WAPL: variants seen among roughly 807,000 people sequenced by gnomAD.
WAPL encodes WAPL cohesin release factor.
WAPL carries 5 observed loss-of-function variants against 121.0 expected under a neutral mutation model. The ratio of observed to expected loss-of-function variants is 0.04; its 90% confidence interval spans 0.02 to 0.09. WAPL has a LOEUF of 0.09. WAPL is among the 10% of genes least tolerant of loss of function. The probability of loss-of-function intolerance (pLI) is 1.00; values close to 1 mark genes in which losing one functional copy is unlikely to be tolerated. For missense variants in WAPL, 999 were observed against 1,410.8 expected, an observed-to-expected ratio of 0.71 and a Z score of 4.68; for synonymous variants, 480 against 481.5, an observed-to-expected ratio of 1.00 and a Z score of 0.04.
At chr10:86,453,602 T>A (rs1841054762) in intron 13 of WAPL, 54 bp downstream of exon 13, 2 of 1,526,244 alleles carry the variant, frequency 1.3e-6, no homozygotes, top group Non-Finnish European at 1.8e-6. Context: ...AAATAACTTG[T>A]TTTCACATGC....
intron 17 of WAPL, among the ~76,000 whole-genome samples, chr10:86,438,427 T>C (rs1849380763): frequency 1.3e-5 from 2 of 152,226 alleles, no homozygotes; most frequent in South Asian, 4.1e-4. Context: ...CTAATTTTTG[T>C]ATTTTTAGCA....
intron 2 of WAPL, among the ~76,000 whole-genome samples, chr10:86,503,026 C>T (rs187562213): frequency 9.2e-4 from 140 of 152,166 alleles, no homozygotes; most frequent in African/African-American, 3.0e-3. Context: ...GGCGTGGTGG[C>T]GGGCGCCTGT....
rs747665080 is a variant in WAPL at position 86,453,271 on chromosome 10, A to G, written c.2898T>C (p.Leu966=). 9.3e-6 allele frequency: 15 copies of G among 1,614,042 alleles called. No homozygotes were observed. The highest frequency in any genetic ancestry group is 1.3e-5 in the Non-Finnish European group (15 of 1,180,028). Residue 966 remains leucine, a synonymous_variant, in exon 14 of 19, where the codon CTT becomes CTC. Coordinates refer to ENST00000298767, the MANE Select transcript of WAPL (RefSeq NM_015045.5). ...GLIGTALNCV[L]QVPKYLPQEQ... is the part of the protein sequence containing the mutation. The stretch of plus-strand genomic sequence containing the variant: ...CCTGAGGTAGGTACTTTGGAACCTG[A>G]AGCACACAGTTCAGCGCTGTGCCTA...
intron 9 of WAPL, 135 bp from the exon 10 acceptor site, chr10:86,461,422 A>G (rs1382806675): frequency 7.7e-6 from 5 of 650,984 alleles, no homozygotes; most frequent in Non-Finnish European, 1.3e-5. Flanking sequence ...ACTAATTTTC[A>G]ATTTTATCAG....
chr10:86,435,623 C>T lies in WAPL; in HGVS notation c.*1920G>A, dbSNP rs982172242. ...CCTCCCCCCACCAAAATCTGCATCT[C>T]TATCAGTGCTCGACAATTAGTTATT... On this transcript the variant is annotated 3_prime_UTR_variant, in exon 19 of 19. Coordinates refer to ENST00000298767, the MANE Select transcript of WAPL (RefSeq NM_015045.5). 1.1e-3 allele frequency: 162 copies of T among 152,616 alleles called. 1 individual carries two copies. Among genetic ancestry groups the T allele is most frequent in the African/African-American group, 3.8e-3 (157 of 41,530 alleles). 9.5% of individuals were successfully genotyped at this position (152,616 alleles called of 1,614,324 possible).
At chr10:86,440,774 G>A (rs1339698119) in intron 17 of WAPL, among the ~76,000 whole-genome samples, 1 of 151,984 alleles carries the variant, frequency 6.6e-6, no homozygotes, top group Non-Finnish European at 1.5e-5. Context: ...GGTACCCAGA[G>A]GGGCCACACA....
intron 8 of WAPL, among the ~76,000 whole-genome samples, chr10:86,470,342 G>A (rs1841509004): frequency 6.6e-6 from 1 of 151,996 alleles, no homozygotes; most frequent in Non-Finnish European, 1.5e-5. Flanking sequence ...CCCAGAAGAT[G>A]CAGTATTAAA....
At chr10:86,517,013 G>A (rs1273076952) in intron 2 of WAPL, among the ~76,000 whole-genome samples, 3 of 152,014 alleles carry the variant, frequency 2.0e-5, no homozygotes, top group South Asian at 2.1e-4. Context: ...AACCTGGGAG[G>A]CGGAGCCAGC....
In WAPL at chr10:86,484,695, A is replaced by G. The variant is rs78298500; in HGVS notation, c.1645-10722T>C. ...AGCTCCATTCATGGTTAAGTGTCCT[A>G]TATAGGTGTACCATTTTTATATGTA... is the stretch of plus-strand genomic sequence containing the variant. On this transcript the variant is annotated intron_variant, in intron 4 of 18. Transcript: ENST00000298767. 1.8e-3 allele frequency among the ~76,000 whole-genome samples: 268 copies of G among 152,322 alleles called. 1 individual carries two copies. Among genetic ancestry groups the G allele is most frequent in the East Asian group, 0.014 (70 of 5,184 alleles).
At chr10:86,470,559 A>C (rs1300591007) in intron 8 of WAPL, among the ~76,000 whole-genome samples, 1 of 152,252 alleles carries the variant, frequency 6.6e-6, no homozygotes, top group Admixed American at 6.5e-5. Flanking sequence ...ATTCCTTATC[A>C]CAATGAGGCC....
At chr10:86,520,970 C>G (rs1340603357) in intron 1 of WAPL, among the ~76,000 whole-genome samples, 1 of 151,988 alleles carries the variant, frequency 6.6e-6, no homozygotes, top group Non-Finnish European at 1.5e-5. Context: ...TCGGACTAGA[C>G]ACTCAATGCA....
At chr10:86,513,779 A>C (rs1244086700) in intron 2 of WAPL, among the ~76,000 whole-genome samples, 1 of 152,228 alleles carries the variant, frequency 6.6e-6, no homozygotes, top group Admixed American at 6.5e-5. Flanking sequence ...CTTTTCACTG[A>C]GGTGATATAA....
chr10:86,500,963 A>G (rs79198338), intron 2 of WAPL, among the ~76,000 whole-genome samples: 10,171 of 152,230 alleles, frequency 0.067, 645 homozygotes, highest in East Asian at 0.38. Flanking sequence ...CAGGCAACCA[A>G]GTCCCTTAAA....
At chr10:86,451,468 G>T (rs944132219) in intron 15 of WAPL, among the ~76,000 whole-genome samples, 1 of 150,972 alleles carries the variant, frequency 6.6e-6, no homozygotes, top group African/African-American at 2.4e-5. Flanking sequence ...TCGGCTCACC[G>T]CAACTTCCAC....
chr10:86,440,135 T>C (rs1356958644), intron 17 of WAPL, among the ~76,000 whole-genome samples: 2 of 152,166 alleles, frequency 1.3e-5, no homozygotes, highest in African/African-American at 2.4e-5. Context: ...AAATAGGAAT[T>C]AGCATGGGAA....
At chr10:86,463,297 G>A (rs1436644463) in intron 9 of WAPL, among the ~76,000 whole-genome samples, 1 of 152,124 alleles carries the variant, frequency 6.6e-6, no homozygotes, top group Non-Finnish European at 1.5e-5. Flanking sequence ...TCAAGGCAGT[G>A]GGGGGGACCC....
chr10:86,471,924 C>T (rs947223093), intron 7 of WAPL, among the ~76,000 whole-genome samples: 1 of 150,756 alleles, frequency 6.6e-6, no homozygotes, highest in Non-Finnish European at 1.5e-5. Context: ...TATGAGCCAC[C>T]ACACAAGGCA....
Position 86,453,223 on chromosome 10 carries a change from C to T in WAPL, c.2946G>A (p.Val982=), listed in dbSNP as rs780356299. ...TGAAAAAGTCATTTCAACTTACCAG[C>T]ACTCGAATATCAAATCTCTGCTCCT... ...LPQEQRFDIR[V]LGLGLLINLV... Residue 982 remains valine, a synonymous_variant, in exon 14 of 19, where the codon GTG becomes GTA. Transcript: ENST00000298767. The T allele has an allele frequency of 8.1e-6, 13 of 1,613,890 alleles. No homozygotes were observed. Among genetic ancestry groups the T allele is most frequent in the South Asian group, 1.1e-5 (1 of 91,060 alleles).
chr10:86,464,887 G>T (rs1242865016), intron 9 of WAPL, among the ~76,000 whole-genome samples: 1 of 152,184 alleles, frequency 6.6e-6, no homozygotes, highest in South Asian at 2.1e-4. Flanking sequence ...GCATACAGAC[G>T]ATGTGATGAC....
Sources: gnomAD v4.1 joint callset for allele counts (sites outside exome capture counted in the v4.1 genomes callset) on GRCh38, gnomAD v4.1.1 for gene constraint, MANE v1.5 for transcripts, NCBI Gene and HGNC (gene_info 2026-07-23, HGNC 2026-07-21) for gene names.